Variants in CDH18 observed in about 807,000 individuals in gnomAD.
CDH18 encodes cadherin 18.
A neutral mutation model predicts 67.9 loss-of-function variants in CDH18; 31 were observed. That is an observed-to-expected ratio of 0.46 (90% CI 0.34 to 0.62). The LOEUF (loss-of-function observed/expected upper bound fraction) is 0.62. CDH18 is among the 20% of genes least tolerant of loss of function. The pLI is 0.01. For synonymous variants in CDH18, 362 were observed against 347.2 expected, an observed-to-expected ratio of 1.04 and a Z score of -0.48; for missense variants, 890 against 975.5, an observed-to-expected ratio of 0.91 and a Z score of 1.17.
At chr5:20,027,173 TTATG>T (rs1316420917) in intron 2 of CDH18, among the ~76,000 whole-genome samples, 3 of 152,108 alleles carry the variant, frequency 2.0e-5, no homozygotes, top group East Asian at 1.9e-4. Flanking sequence ...ATTAAACACT[TTATG>T]TATGATTAAA....
chr5:20,310,809 C>A (rs186585902), intron 1 of CDH18, among the ~76,000 whole-genome samples: 1 of 152,152 alleles, frequency 6.6e-6, no homozygotes, highest in Non-Finnish European at 1.5e-5. Flanking sequence ...TCTTTTCTGA[C>A]TACTGGATTG....
intron 1 of CDH18, among the ~76,000 whole-genome samples, chr5:20,390,428 A>C (rs1034642564): frequency 2.0e-5 from 3 of 152,126 alleles, no homozygotes; most frequent in Non-Finnish European, 4.4e-5. Flanking sequence ...CAAATCAAAA[A>C]CACAATGAGA....
intron 1 of CDH18, among the ~76,000 whole-genome samples, chr5:20,407,735 A>AAC: frequency 6.6e-6 from 1 of 151,766 alleles, no homozygotes; most frequent in East Asian, 1.9e-4. Flanking sequence ...TTTTTTTTTA[A>AAC]AAAACTTGAA....
intron 5 of CDH18, among the ~76,000 whole-genome samples, chr5:19,689,932 A>G (rs137867319): frequency 7.9e-4 from 120 of 151,876 alleles, no homozygotes; most frequent in African/African-American, 2.6e-3. Flanking sequence ...GATTTTCCAT[A>G]CAAATGGAAA....
At chr5:20,167,027 T>C (rs10473325) in intron 2 of CDH18, among the ~76,000 whole-genome samples, 2 of 151,926 alleles carry the variant, frequency 1.3e-5, no homozygotes, top group African/African-American at 2.4e-5. Flanking sequence ...TTATTTTATG[T>C]TTCTTGAAGA....
At chr5:19,628,007 G>T (rs976163995) in intron 5 of CDH18, among the ~76,000 whole-genome samples, 1 of 152,144 alleles carries the variant, frequency 6.6e-6, no homozygotes, top group Admixed American at 6.5e-5. Flanking sequence ...TGATGATATG[G>T]TTTGGTGCTG....
intron 1 of CDH18, among the ~76,000 whole-genome samples, chr5:20,452,658 A>C (rs1421549804): frequency 6.6e-6 from 1 of 152,096 alleles, no homozygotes; most frequent in East Asian, 1.9e-4. Context: ...ACTATTGTGT[A>C]TGAGGCTTAG....
At chr5:20,031,025 T>C (rs957166054) in intron 2 of CDH18, among the ~76,000 whole-genome samples, 2 of 152,130 alleles carry the variant, frequency 1.3e-5, no homozygotes, top group Admixed American at 6.6e-5. Flanking sequence ...TATATACATT[T>C]TATTTAATTT....
rs541207348 is a variant in CDH18 at position 20,177,870 on chromosome 5, C to T, written c.-518+77574G>A. On this transcript the variant is annotated intron_variant, in intron 2 of 14. Transcript: ENST00000507958. Reference sequence around the variant, plus strand: ...CTTTGCTGCTGCCATCCATGTAAGTCGTGACTTGCTCCTCTTTGCCTTCCA... The same window carrying T: ...CTTTGCTGCTGCCATCCATGTAAGTTGTGACTTGCTCCTCTTTGCCTTCCA... 8.5e-5 allele frequency among the ~76,000 whole-genome samples: 13 copies of T among 152,164 alleles called. No homozygotes were observed. In the East Asian group the frequency reaches 1.7e-3, roughly 20 times the overall value.
At chr5:19,663,913 T>C (rs897358420) in intron 5 of CDH18, among the ~76,000 whole-genome samples, 2 of 151,794 alleles carry the variant, frequency 1.3e-5, no homozygotes, top group African/African-American at 4.8e-5. Flanking sequence ...TACCATAAGT[T>C]ACACATGTAG....
At chr5:20,193,782 G>A (rs758471218) in intron 2 of CDH18, among the ~76,000 whole-genome samples, 7 of 151,998 alleles carry the variant, frequency 4.6e-5, no homozygotes, top group Non-Finnish European at 8.8e-5. Flanking sequence ...CCTGGGATGC[G>A]AGGCTGGTTC....
chr5:19,814,371 C>A (rs1779069849), intron 3 of CDH18, among the ~76,000 whole-genome samples: 1 of 151,984 alleles, frequency 6.6e-6, no homozygotes, highest in Admixed American at 6.6e-5. Context: ...AAAAAACACT[C>A]TTGCATATGC....
chr5:20,369,504 A>G (rs547825785), intron 1 of CDH18, among the ~76,000 whole-genome samples: 214 of 152,302 alleles, frequency 1.4e-3, no homozygotes, highest in African/African-American at 5.0e-3. Flanking sequence ...CAGCTTTTTC[A>G]TTTATTTCAC....
intron 1 of CDH18, among the ~76,000 whole-genome samples, chr5:20,297,873 T>C (rs1747662731): frequency 6.6e-6 from 1 of 152,200 alleles, no homozygotes; most frequent in South Asian, 2.1e-4. Flanking sequence ...CCTCCAGAAG[T>C]AGTTTCCTCT....
intron 5 of CDH18, among the ~76,000 whole-genome samples, chr5:19,673,892 T>C (rs1759099910): frequency 6.6e-6 from 1 of 152,088 alleles, no homozygotes; most frequent in African/African-American, 2.4e-5. Context: ...AAGTGTGAAT[T>C]CAGACGAGGG....
At chr5:19,747,577 T>A (rs1770194936) in intron 3 of CDH18, among the ~76,000 whole-genome samples, 1 of 152,142 alleles carries the variant, frequency 6.6e-6, no homozygotes, top group Non-Finnish European at 1.5e-5. Flanking sequence ...AGTAGATTAT[T>A]GTTGCCTTCC....
intron 5 of CDH18, among the ~76,000 whole-genome samples, chr5:19,715,868 G>A (rs113917950): frequency 0.016 from 2,344 of 146,828 alleles, 38 homozygotes; most frequent in African/African-American, 0.046. Context: ...TTAGGCTGGA[G>A]TGCAGTTACA....
rs928565446 is a variant in CDH18 at position 20,486,595 on chromosome 5, G to A, written c.-580+88867C>T. ...GATGAATTTTGGATCCCTTTTTTTT[G>A]ATGAGTCATAAGCATGTTTTTATTA... On this transcript the variant is annotated intron_variant, in intron 1 of 14. Coordinates refer to the CDH18 transcript ENST00000507958. Among the ~76,000 whole-genome samples, 6 of 150,826 alleles carry A rather than the reference G, an allele frequency of 4.0e-5. No homozygotes were observed. In the East Asian group the frequency reaches 1.2e-3, roughly 29 times the overall value.
intron 1 of CDH18, among the ~76,000 whole-genome samples, chr5:20,379,217 T>C (rs1200416802): frequency 6.6e-6 from 1 of 152,216 alleles, no homozygotes; most frequent in Non-Finnish European, 1.5e-5. Flanking sequence ...ACTTTATTAG[T>C]TTGCTTATAT....
Sources: gnomAD v4.1 joint callset for allele counts (sites outside exome capture counted in the v4.1 genomes callset) on GRCh38, gnomAD v4.1.1 for gene constraint, MANE v1.5 for transcripts, NCBI Gene and HGNC (gene_info 2026-07-23, HGNC 2026-07-21) for gene names.